Variants in CNTLN observed in about 807,000 individuals in gnomAD.
CNTLN encodes the protein centlein, centrosomal protein.
A neutral mutation model predicts 180.0 loss-of-function variants in CNTLN; 212 were observed. The observed-to-expected ratio is 1.18, with a 90% CI of 1.05 to 1.32. CNTLN has a LOEUF of 1.32. Ranked by LOEUF, CNTLN falls within the 40% of genes most tolerant of loss-of-function variation. The probability of loss-of-function intolerance (pLI) is 0.00; values close to 1 mark genes in which losing one functional copy is unlikely to be tolerated. For synonymous variants in CNTLN, 722 were observed against 563.1 expected (o/e 1.28, Z -3.99); for missense variants, 2,095 against 1,610.9 (o/e 1.30, Z -5.14).
chr9:17,140,455 G>GT (rs1032178930), intron 1 of CNTLN, among the ~76,000 whole-genome samples: 1 of 151,984 alleles, frequency 6.6e-6, no homozygotes, highest in Non-Finnish European at 1.5e-5. Flanking sequence ...TTTTTTCTTT[G>GT]TTTTTTGAGA....
At chr9:17,362,491 A>G (rs1216507122) in intron 12 of CNTLN, among the ~76,000 whole-genome samples, 2 of 134,374 alleles carry the variant, frequency 1.5e-5, no homozygotes, top group Non-Finnish European at 3.2e-5. Context: ...GAGAGTATAC[A>G]TATCAAAGTG....
At chr9:17,510,219 G>A in the CNTLN span, among the ~76,000 whole-genome samples, 1 of 152,016 alleles carries the variant, frequency 6.6e-6, no homozygotes, top group East Asian at 1.9e-4. Context: ...TTTGGTGAGG[G>A]GAAAGGGAAT....
At chr9:17,197,777 T>G (rs1003557009) in intron 2 of CNTLN, among the ~76,000 whole-genome samples, 2 of 152,204 alleles carry the variant, frequency 1.3e-5, no homozygotes, top group African/African-American at 4.8e-5. Flanking sequence ...TGGTTGCCTG[T>G]GCTTATCGAG....
intron 23 of CNTLN, among the ~76,000 whole-genome samples, chr9:17,475,952 T>C (rs1832317365): frequency 2.0e-5 from 3 of 152,158 alleles, no homozygotes; most frequent in Admixed American, 2.0e-4. Flanking sequence ...GTTTGCTTTA[T>C]TGCTTTTCTC....
intron 5 of CNTLN, among the ~76,000 whole-genome samples, chr9:17,265,610 G>C (rs199915442): frequency 1.3e-5 from 2 of 152,060 alleles, no homozygotes; most frequent in Non-Finnish European, 2.9e-5. Context: ...TTCAGATGGA[G>C]TGGTACCAGC....
chr9:17,263,035 A>G (rs1323306183), intron 5 of CNTLN, among the ~76,000 whole-genome samples: 1 of 151,068 alleles, frequency 6.6e-6, no homozygotes, highest in African/African-American at 2.5e-5. Flanking sequence ...AGGTTTATCA[A>G]TTTTTTTAAT....
chr9:17,171,197 GGCATTTTGTTTTTTGGT>G (rs1325081521), intron 2 of CNTLN, among the ~76,000 whole-genome samples: 4 of 150,406 alleles, frequency 2.7e-5, no homozygotes, highest in Non-Finnish European at 5.9e-5. Flanking sequence ...GTTTTTTGGT[GGCATTTTGTTTTTTGGT>G]GGCATCTTGT....
At chr9:17,461,733 A>T (rs946243498) in intron 19 of CNTLN, among the ~76,000 whole-genome samples, 5 of 151,610 alleles carry the variant, frequency 3.3e-5, no homozygotes, top group Non-Finnish European at 7.4e-5. Flanking sequence ...CAAATATTTT[A>T]AAAGCTATTA....
intron 2 of CNTLN, among the ~76,000 whole-genome samples, chr9:17,202,646 G>GTTTTTTTTTTTTTTTTTTTTTTTTTTTT (rs57960408): frequency 9.8e-5 from 7 of 71,474 alleles, no homozygotes; most frequent in East Asian, 5.4e-4. Context: ...TGCAACCTCT[G>GTTTTTTTTTTTTTTTTTTTTTTTTTTTT]TTTTTTTTTT....
chr9:17,301,129 A>C, intron 7 of CNTLN: 1 of 985,434 alleles, frequency 1.0e-6, no homozygotes, highest in Middle Eastern at 5.2e-4. Context: ...AAGATAAGAT[A>C]TCAAAGAGAC....
intron 23 of CNTLN, among the ~76,000 whole-genome samples, chr9:17,483,683 C>A (rs1264562415): frequency 6.6e-6 from 1 of 152,164 alleles, no homozygotes; most frequent in Admixed American, 6.5e-5. Flanking sequence ...CTCAAAGAGG[C>A]AACTTAAAGG....
chr9:17,516,831 T>G, the CNTLN span, among the ~76,000 whole-genome samples: 1 of 152,202 alleles, frequency 6.6e-6, no homozygotes, highest in Non-Finnish European at 1.5e-5. Context: ...CAGCAAGAAC[T>G]TGATCTAGAT....
chr9:17,428,173 CAG>C (rs1355236250), intron 18 of CNTLN, among the ~76,000 whole-genome samples: 1 of 152,128 alleles, frequency 6.6e-6, no homozygotes, highest in Non-Finnish European at 1.5e-5. Context: ...ACAAAATTAG[CAG>C]AGTCACTTTC....
Position 17,258,585 on chromosome 9 carries a change from C to T in CNTLN, c.850-15148C>T, listed in dbSNP as rs377676731. 3.1e-4 allele frequency among the ~76,000 whole-genome samples: 47 copies of T among 150,686 alleles called. 3 individuals carry two copies. The highest frequency in any genetic ancestry group is 1.1e-3 in the African/African-American group (44 of 40,298). The stretch of plus-strand genomic sequence containing the variant: ...ACCTTGGGCAGTATGGCCATTTTCA[C>T]GATATTGATTCTTCCTACCCATGAA... On this transcript the variant is annotated intron_variant, in intron 5 of 25. Transcript: ENST00000380647.
At chr9:17,395,212 T>G in intron 15 of CNTLN, 143 bp downstream of exon 15, 1 of 1,291,620 alleles carries the variant, frequency 7.7e-7, no homozygotes, top group Non-Finnish European at 1.0e-6. Flanking sequence ...TTGGGAGGTC[T>G]TGTTCTGAGC....
chr9:17,330,563 A>T, intron 8 of CNTLN, 69 bp from the exon 9 acceptor site: 1 of 879,596 alleles, frequency 1.1e-6, no homozygotes, highest in Middle Eastern at 3.7e-4. Context: ...GTTACATTTA[A>T]CTATTTATTT....
Position 17,396,869 on chromosome 9 carries a change from C to G in CNTLN, c.2615+1800C>G, listed in dbSNP as rs1041053368. ...GTTAAAGAAACTCAAAAAACATATT[C>G]ATGAAGGAAAGGCCAAAGGACCAAA... On this transcript the variant is annotated intron_variant, in intron 15 of 25. Coordinates refer to ENST00000380647, the MANE Select transcript of CNTLN (RefSeq NM_017738.4). 6.6e-5 allele frequency among the ~76,000 whole-genome samples: 10 copies of G among 152,330 alleles called. No homozygotes were observed. The East Asian group carries it at 1.9e-3, about 29-fold the overall frequency.
At chr9:17,193,354 G>A (rs1038479750) in intron 2 of CNTLN, among the ~76,000 whole-genome samples, 7 of 152,194 alleles carry the variant, frequency 4.6e-5, no homozygotes, top group African/African-American at 1.7e-4. Flanking sequence ...CTATGAGCCT[G>A]TAAAATCAAA....
chr9:17,193,464 G>A (rs976797271), intron 2 of CNTLN, among the ~76,000 whole-genome samples: 2 of 152,094 alleles, frequency 1.3e-5, no homozygotes, highest in Admixed American at 6.6e-5. Flanking sequence ...GGGTTACAGG[G>A]CCCATGCAAA....
Sources: allele counts gnomAD v4.1 joint callset (sites outside exome capture counted in the v4.1 genomes callset), GRCh38; gene constraint gnomAD v4.1.1; transcripts MANE v1.5; gene names NCBI Gene and HGNC (gene_info 2026-07-23, HGNC 2026-07-21).